PCCA: variants seen among roughly 807,000 people sequenced by gnomAD.
PCCA encodes propionyl-CoA carboxylase alpha chain, mitochondrial.
Under a neutral mutation model 101.3 loss-of-function variants are expected in PCCA, and 74 were observed. That is an observed-to-expected ratio of 0.73 (90% confidence interval 0.61 to 0.89). PCCA has a LOEUF of 0.89. Ranked by LOEUF, PCCA falls within the 40% of genes least tolerant of loss-of-function variation. The probability of loss-of-function intolerance (pLI) is 0.00; values close to 1 mark genes in which losing one functional copy is unlikely to be tolerated. For synonymous variants in PCCA, 294 were observed against 313.6 expected, an observed-to-expected ratio of 0.94 and a Z score of 0.66; for missense variants, 891 against 907.0, an observed-to-expected ratio of 0.98 and a Z score of 0.23.
intron 21 of PCCA, among the ~76,000 whole-genome samples, chr13:100,456,975 G>A (rs770322940): frequency 1.3e-5 from 2 of 152,070 alleles, no homozygotes; most frequent in South Asian, 2.1e-4. Flanking sequence ...TAAGTAATGG[G>A]TGTCTTCGCA....
intron 6 of PCCA, among the ~76,000 whole-genome samples, chr13:100,193,621 T>C (rs150125844): frequency 2.0e-5 from 3 of 152,340 alleles, no homozygotes; most frequent in Non-Finnish European, 4.4e-5. Context: ...CTTAGAATTG[T>C]TTCCTACAGA....
intron 19 of PCCA, among the ~76,000 whole-genome samples, chr13:100,416,826 G>T (rs2078402209): frequency 6.6e-6 from 1 of 151,628 alleles, no homozygotes; most frequent in Non-Finnish European, 1.5e-5. Flanking sequence ...CGCCCGACCA[G>T]TATTATGTAT....
chr13:100,503,230 C>T (rs1045340700), intron 21 of PCCA, among the ~76,000 whole-genome samples: 7 of 152,256 alleles, frequency 4.6e-5, no homozygotes. Context: ...GTGGCTCACG[C>T]CTGTAATCCC....
At chr13:100,489,564 T>C (rs1447679219) in intron 21 of PCCA, among the ~76,000 whole-genome samples, 2 of 152,234 alleles carry the variant, frequency 1.3e-5, no homozygotes, top group Non-Finnish European at 2.9e-5. Context: ...ACAGCTAATA[T>C]AGGTGTGTGT....
intron 19 of PCCA, among the ~76,000 whole-genome samples, chr13:100,416,911 T>A (rs2078409230): frequency 6.6e-6 from 1 of 152,134 alleles, no homozygotes; most frequent in Non-Finnish European, 1.5e-5. Context: ...TGGCGCGATC[T>A]CGGCTCACTG....
Position 100,509,363 on chromosome 13 carries a change from G to C in PCCA, c.1900-6064G>C, listed in dbSNP as rs111393022. 6.7e-3 allele frequency among the ~76,000 whole-genome samples: 1,021 copies of C among 152,310 alleles called. 13 individuals carry two copies. The highest frequency in any genetic ancestry group is 0.023 in the African/African-American group (962 of 41,560). On this transcript the variant is annotated intron_variant, in intron 21 of 23. Transcript: ENST00000376285. ...AGTGTTGCCTTGCTAGTGAGAAAAC[G>C]TGAGCATGTACTCAGGACACATGTA...
chr13:100,451,715 C>CCTCT (rs71114697), intron 21 of PCCA, among the ~76,000 whole-genome samples: 17,667 of 95,904 alleles, frequency 0.18, 2,137 homozygotes, highest in Admixed American at 0.2. Flanking sequence ...TCTCCTCTCT[C>CCTCT]CTCTCTCTCT....
chr13:100,287,606 G>T (rs1402172817), intron 12 of PCCA, among the ~76,000 whole-genome samples: 1 of 151,766 alleles, frequency 6.6e-6, no homozygotes, highest in African/African-American at 2.4e-5. Context: ...ATTTAATCCC[G>T]CTGTCTTTAC....
intron 22 of PCCA, among the ~76,000 whole-genome samples, chr13:100,520,148 A>C (rs1372434391): frequency 6.6e-6 from 1 of 152,236 alleles, no homozygotes; most frequent in Non-Finnish European, 1.5e-5. Context: ...ACAGAGAAGA[A>C]TCCAACAAGC....
At chr13:100,461,799 G>A (rs1039197413) in intron 21 of PCCA, among the ~76,000 whole-genome samples, 2 of 152,178 alleles carry the variant, frequency 1.3e-5, no homozygotes, top group Admixed American at 1.3e-4. Context: ...TGGCTGAGTT[G>A]GCTCTTGGCA....
intron 6 of PCCA, among the ~76,000 whole-genome samples, chr13:100,206,219 A>C (rs939818298): frequency 2.0e-5 from 3 of 152,120 alleles, no homozygotes; most frequent in Non-Finnish European, 2.9e-5. Flanking sequence ...TTGGGTTCCT[A>C]TAATATTATT....
chr13:100,248,941 A>G (rs1177992370), intron 8 of PCCA, among the ~76,000 whole-genome samples: 2 of 151,450 alleles, frequency 1.3e-5, no homozygotes, highest in African/African-American at 4.9e-5. Flanking sequence ...TGTAGTAGAG[A>G]TGGGGTTTTG....
At chr13:100,112,541 A>T (rs987149954) in intron 4 of PCCA, among the ~76,000 whole-genome samples, 1 of 150,570 alleles carries the variant, frequency 6.6e-6, no homozygotes, top group Non-Finnish European at 1.5e-5. Context: ...CATAAAGCAG[A>T]TATACTTTTA....
intron 21 of PCCA, among the ~76,000 whole-genome samples, chr13:100,475,739 T>C (rs144681739): frequency 3.3e-5 from 5 of 152,332 alleles, no homozygotes; most frequent in Non-Finnish European, 7.3e-5. Context: ...CCAAAGTGGC[T>C]GCACCATTTT....
intron 7 of PCCA, 120 bp downstream of exon 7, chr13:100,209,583 C>T (rs1024436756): frequency 3.0e-5 from 23 of 754,220 alleles, no homozygotes; most frequent in Admixed American, 7.5e-5. Flanking sequence ...CACATATGCA[C>T]GCACATACAT....
Position 100,517,987 on chromosome 13 carries a change from T to G in PCCA, c.2040+2420T>G, listed in dbSNP as rs140856924. ...CTGTCACGTTGAAATTTTGCGGTTT[T>G]AAGTGATTTTAACACCGCGGGGCGT... On this transcript the variant is annotated intron_variant, in intron 22 of 23. Coordinates refer to ENST00000376285, the MANE Select transcript of PCCA (RefSeq NM_000282.4). Among the ~76,000 whole-genome samples the G allele has an allele frequency of 6.7e-3, 1,015 of 152,188 alleles. 13 individuals are homozygous for G. Among genetic ancestry groups the G allele is most frequent in the African/African-American group, 0.023 (956 of 41,458 alleles).
At chr13:100,307,711 T>C (rs1413365085) in intron 15 of PCCA, among the ~76,000 whole-genome samples, 1 of 152,222 alleles carries the variant, frequency 6.6e-6, no homozygotes. Context: ...GTAGATGTGA[T>C]GTAAGAGTAT....
intron 8 of PCCA, among the ~76,000 whole-genome samples, chr13:100,246,814 T>C (rs2061457256): frequency 6.6e-6 from 1 of 151,766 alleles, no homozygotes; most frequent in South Asian, 2.1e-4. Flanking sequence ...CTGAAAAGAG[T>C]GTATATTCTC....
chr13:100,419,012 T>C (rs1302732389), intron 19 of PCCA, among the ~76,000 whole-genome samples: 1 of 151,428 alleles, frequency 6.6e-6, no homozygotes, highest in Admixed American at 6.6e-5. Flanking sequence ...AGGGTTTTTT[T>C]CTTTCTTTTT....
Sources: gnomAD v4.1 joint callset for allele counts (sites outside exome capture counted in the v4.1 genomes callset) on GRCh38, gnomAD v4.1.1 for gene constraint, MANE v1.5 for transcripts, NCBI Gene and HGNC (gene_info 2026-07-23, HGNC 2026-07-21) for gene names.